PIK3C2G: variants seen among roughly 807,000 people sequenced by gnomAD.
PIK3C2G encodes the protein phosphatidylinositol-4-phosphate 3-kinase catalytic subunit type 2 gamma, also known as phosphatidylinositol 3-kinase C2 domain-containing subunit gamma.
PIK3C2G carries 168 observed loss-of-function variants against 181.1 expected under a neutral mutation model. That is an observed-to-expected ratio of 0.93 (90% CI 0.82 to 1.05). The LOEUF (loss-of-function observed/expected upper bound fraction) is 1.05. Ranked by LOEUF, PIK3C2G falls within the 50% of genes least tolerant of loss-of-function variation. PIK3C2G has a pLI of 0.00. For synonymous variants in PIK3C2G, 573 were observed against 592.2 expected (o/e 0.97, Z 0.47); for missense variants, 1,869 against 1,732.8 (o/e 1.08, Z -1.40).
chr12:18,356,565 C>A (rs911768048), intron 11 of PIK3C2G, among the ~76,000 whole-genome samples: 6 of 152,022 alleles, frequency 3.9e-5, no homozygotes, highest in African/African-American at 1.4e-4. Context: ...CCCTCTGTAT[C>A]CTGAGCTCTT....
chr12:18,643,042 A>G (rs952313225), intron 32 of PIK3C2G, among the ~76,000 whole-genome samples: 16 of 152,160 alleles, frequency 1.1e-4, no homozygotes, highest in Admixed American at 6.6e-5. Flanking sequence ...TGTTAGGCAT[A>G]AGCATTTTCA....
chr12:18,590,890 G>A (rs1947042912), intron 29 of PIK3C2G, among the ~76,000 whole-genome samples: 1 of 151,868 alleles, frequency 6.6e-6, no homozygotes, highest in African/African-American at 2.4e-5. Flanking sequence ...AGGACTTGAA[G>A]GATATGACGG....
Position 18,338,490 on chromosome 12 carries a change from C to A in PIK3C2G, c.1337C>A (p.Thr446Asn). 6.3e-7 allele frequency: 1 copy of A among 1,588,792 alleles called. No homozygotes were observed. The highest frequency in any genetic ancestry group is 8.6e-7 in the Non-Finnish European group (1 of 1,157,564). The part of the protein sequence containing the change: ...KICSVLGCVE[T>N]KQITDAVNEL... ...TGCAGTGTTCTAGGGTGTGTGGAAACCAAACAAATTACAGATGCAGTAAAT... is the reference window on the plus strand; with the variant it reads ...TGCAGTGTTCTAGGGTGTGTGGAAAACAAACAAATTACAGATGCAGTAAAT... The change falls in exon 9 of 33, where the codon ACC (threonine) becomes AAC (asparagine). Residue 446 changes from threonine (T) to asparagine (N), a missense_variant. By Grantham distance (65) the Thr-to-Asn change is moderately conservative (BLOSUM62 0). Coordinates refer to ENST00000538779, the MANE Select transcript of PIK3C2G (RefSeq NM_001288772.2).
intron 1 of PIK3C2G, among the ~76,000 whole-genome samples, chr12:18,266,575 C>T (rs1948509035): frequency 6.6e-6 from 1 of 151,828 alleles, no homozygotes; most frequent in Non-Finnish European, 1.5e-5. Context: ...ATTTTGTGGC[C>T]GGATGCATGT....
intron 24 of PIK3C2G, among the ~76,000 whole-genome samples, chr12:18,532,379 T>C (rs938453652): frequency 1.3e-5 from 2 of 152,166 alleles, no homozygotes; most frequent in African/African-American, 4.8e-5. Context: ...CATGTTGAAA[T>C]TTTAAAATTC....
chr12:18,640,816 C>T (rs1949803730), intron 32 of PIK3C2G, among the ~76,000 whole-genome samples: 1 of 152,118 alleles, frequency 6.6e-6, no homozygotes, highest in Admixed American at 6.5e-5. Flanking sequence ...GTTTTGCATA[C>T]TAACTTTATT....
chr12:18,538,013 GCCTCACA>G (rs1425493074), intron 24 of PIK3C2G, 136 bp from the exon 25 acceptor site: 2 of 671,192 alleles, frequency 3.0e-6, no homozygotes, highest in African/African-American at 3.7e-5. Context: ...TTCTCAAGCT[GCCTCACA>G]ATGAAGGAAA....
chr12:18,640,280 G>A (rs1238238655), intron 31 of PIK3C2G, 149 bp from the exon 32 acceptor site: 2 of 625,636 alleles, frequency 3.2e-6, no homozygotes, highest in African/African-American at 3.8e-5. Context: ...GAGCATGGAT[G>A]AATTTCTTTT....
chr12:18,250,796 T>C (rs1948088407), intron 1 of PIK3C2G, among the ~76,000 whole-genome samples: 1 of 151,994 alleles, frequency 6.6e-6, no homozygotes, highest in Admixed American at 6.6e-5. Context: ...ACATGAGAAA[T>C]ACCAACTTCT....
chr12:18,606,172 G>T (rs1948010170), intron 30 of PIK3C2G, among the ~76,000 whole-genome samples: 1 of 152,090 alleles, frequency 6.6e-6, no homozygotes, highest in South Asian at 2.1e-4. Flanking sequence ...GCAAGAGGTG[G>T]AGGGAGAACT....
At chr12:18,626,360 G>A (rs1050464687) in intron 31 of PIK3C2G, among the ~76,000 whole-genome samples, 5 of 151,702 alleles carry the variant, frequency 3.3e-5, no homozygotes, top group Non-Finnish European at 7.4e-5. Flanking sequence ...ATATTATTTT[G>A]TAATATGTAT....
At chr12:18,693,252 A>G in the PIK3C2G span, 3 of 1,544,274 alleles carry the variant, frequency 1.9e-6, no homozygotes, top group Non-Finnish European at 1.8e-6. Flanking sequence ...GGTGCATACC[A>G]TGATAGGGGT....
At chr12:18,318,525 G>T (rs1188332008) in intron 6 of PIK3C2G, among the ~76,000 whole-genome samples, 1 of 151,758 alleles carries the variant, frequency 6.6e-6, no homozygotes, top group Admixed American at 6.6e-5. Flanking sequence ...CAGGATTTCA[G>T]CTGTAAGTAA....
exon 1 of PIK3C2G, chr12:18,247,990 A>C (rs1480980831): frequency 6.6e-6 from 1 of 151,896 alleles, no homozygotes; most frequent in Non-Finnish European, 1.5e-5. Flanking sequence ...GTTGAGAAGC[A>C]GAAACTAACT....
chr12:18,597,195 T>G (rs1300500381), intron 30 of PIK3C2G, among the ~76,000 whole-genome samples: 6 of 150,082 alleles, frequency 4.0e-5, no homozygotes, highest in Non-Finnish European at 3.0e-5. Context: ...CCGAGAAAAA[T>G]CGCAACATTG....
chr12:18,502,644 A>G (rs539217368), intron 22 of PIK3C2G, among the ~76,000 whole-genome samples: 5 of 152,308 alleles, frequency 3.3e-5, no homozygotes, highest in African/African-American at 1.2e-4. Flanking sequence ...GAAAGCCTTG[A>G]TGGATATATG....
Position 18,362,808 on chromosome 12 carries a change from A to G in PIK3C2G, c.1670A>G (p.Lys557Arg). The G allele has an allele frequency of 6.6e-7, 1 of 1,524,920 alleles. No homozygotes were observed. Among genetic ancestry groups the G allele is most frequent in the Non-Finnish European group, 8.8e-7 (1 of 1,142,204 alleles). The allele number at this position is 1,524,920 out of a possible 1,614,324, so 94.5% of individuals were successfully genotyped here. ...SFTCWLTYAG[K>R]KLCQVRNYRN... The stretch of plus-strand genomic sequence containing the variant: ...ACCTGTTGGCTTACATATGCTGGAA[A>G]GAAGCTGTGCCAAGTGAGAAACTAC... The change falls in exon 12 of 33, where the codon AAG becomes AGG. Residue 557 changes from lysine (K) to arginine (R), a missense_variant. Physicochemically the swap from Lys to Arg is conservative, Grantham distance 26. Transcript: ENST00000538779.
chr12:18,248,079 A>G (rs549253460), exon 1 of PIK3C2G: 1 of 152,302 alleles, frequency 6.6e-6, no homozygotes, highest in East Asian at 1.9e-4. Context: ...AGAGAAAAGC[A>G]CAGGTGAGAC....
chr12:18,257,648 A>C (rs1948158814), upstream of PIK3C2G, among the ~76,000 whole-genome samples: 1 of 151,750 alleles, frequency 6.6e-6, no homozygotes, highest in Non-Finnish European at 1.5e-5. Context: ...AAAAGAAAAG[A>C]AAAGAAAGAA....
Sources: allele counts gnomAD v4.1 joint callset (sites outside exome capture counted in the v4.1 genomes callset), GRCh38; gene constraint gnomAD v4.1.1; transcripts MANE v1.5; gene names NCBI Gene and HGNC (gene_info 2026-07-23, HGNC 2026-07-21).